FRAS1: variants seen among roughly 807,000 people sequenced by gnomAD.
FRAS1 encodes the protein Fraser extracellular matrix complex subunit 1.
Under a neutral mutation model 435.2 loss-of-function variants are expected in FRAS1, and 290 were observed. The observed-to-expected ratio is 0.67, with a 90% CI of 0.61 to 0.73. The LOEUF is 0.73. FRAS1 is among the 30% of genes least tolerant of loss of function. The pLI, the probability that FRAS1 is intolerant of heterozygous loss-of-function variation, is 0.00. For synonymous variants in FRAS1, 1,800 were observed against 1,851.0 expected (o/e 0.97, Z 0.71); for missense variants, 4,860 against 5,001.5 (o/e 0.97, Z 0.85).
rs370511192 is a variant in FRAS1 at position 78,540,768 on chromosome 4, G to A, written c.11683G>A (p.Val3895Ile). The A allele has an allele frequency of 1.5e-4, 235 of 1,613,814 alleles. No individual in the cohort carries two copies. Among genetic ancestry groups the A allele is most frequent in the Middle Eastern group, 5.0e-4 (3 of 6,058 alleles). ...SLNLEMQELA[V>I]AASLSQTGAS... The stretch of plus-strand genomic sequence containing the variant: ...GAATCTGGAGATGCAAGAGTTGGCG[G>A]TAGCTGCGTCCCTGTCACAGACTGG... Residue 3895 changes from valine (V) to isoleucine (I), a missense_variant, in exon 74 of 74, where the codon GTA (valine) becomes ATA (isoleucine). Coordinates refer to ENST00000512123, the MANE Select transcript of FRAS1 (RefSeq NM_025074.7).
In FRAS1 at chr4:78,257,265, G is replaced by A. The variant is rs567621553; in HGVS notation, c.603+1890G>A. On this transcript the variant is annotated intron_variant, in intron 6 of 73. Coordinates refer to ENST00000512123, the MANE Select transcript of FRAS1 (RefSeq NM_025074.7). ...TGTGACTTATATTTTTAATCAGTATGCTACTACTCCCAGAATAATGAGTTA... is the reference window on the plus strand; with the variant it reads ...TGTGACTTATATTTTTAATCAGTATACTACTACTCCCAGAATAATGAGTTA... Among the ~76,000 whole-genome samples, 9 of 152,268 alleles carry A rather than the reference G, an allele frequency of 5.9e-5. No homozygotes were observed. In the East Asian group the frequency reaches 1.7e-3, roughly 29 times the overall value.
Position 78,508,753 on chromosome 4 carries a change from A to T in FRAS1, c.9527A>T (p.Asp3176Val). 1 of 1,613,772 alleles carries T rather than the reference A, an allele frequency of 6.2e-7. No homozygotes were observed. The highest frequency in any genetic ancestry group is 8.5e-7 in the Non-Finnish European group (1 of 1,179,826). The stretch of plus-strand genomic sequence containing the variant: ...CAGGTGGTCACACTTGCTGACTATG[A>T]CCATGTGGAAGAAGTTACCAAGGAA... ...PPIVVTLADYDHVEEVTKEGV... is the reference protein window; with the variant it reads ...PPIVVTLADYVHVEEVTKEGV... The change falls in exon 63 of 74, where the codon GAC becomes GTC. Residue 3176 changes from aspartate to valine, a missense_variant. Physicochemically the swap from Asp to Val is radical, Grantham distance 152. Coordinates refer to ENST00000512123, the MANE Select transcript of FRAS1 (RefSeq NM_025074.7).
In FRAS1 at chr4:78,303,479, C is replaced by T. The variant is rs1218034045; in HGVS notation, c.1535-4587C>T. Among the ~76,000 whole-genome samples the T allele has an allele frequency of 4.6e-5, 7 of 152,284 alleles. No individual in the cohort carries two copies. In the East Asian group the frequency reaches 1.3e-3, roughly 29 times the overall value. ...GGCTATTTTCACGATATTGATTCTT[C>T]CTACCCATGAGCATGGAATGTTCTT... On this transcript the variant is annotated intron_variant, in intron 14 of 73. Transcript: ENST00000512123.
At chr4:78,266,238 C>T (rs890250002) in intron 7 of FRAS1, among the ~76,000 whole-genome samples, 5 of 152,184 alleles carry the variant, frequency 3.3e-5, no homozygotes, top group African/African-American at 1.2e-4. Context: ...AACATGTTGG[C>T]ATTTGCCCTT....
chr4:78,183,608 A>C (rs1183542767), intron 2 of FRAS1, among the ~76,000 whole-genome samples: 1 of 152,142 alleles, frequency 6.6e-6, no homozygotes, highest in African/African-American at 2.4e-5. Context: ...TTGGTTTTAA[A>C]GTGTGTCTTC....
At chr4:78,180,558 C>T (rs1009424357) in intron 2 of FRAS1, among the ~76,000 whole-genome samples, 2 of 152,116 alleles carry the variant, frequency 1.3e-5, no homozygotes, top group African/African-American at 4.8e-5. Context: ...ACCTATATTT[C>T]AAGTTTGGAA....
At chr4:78,154,085 A>G (rs1720782274) in intron 2 of FRAS1, among the ~76,000 whole-genome samples, 1 of 151,778 alleles carries the variant, frequency 6.6e-6, no homozygotes, top group Non-Finnish European at 1.5e-5. Flanking sequence ...CTATCTTTAC[A>G]GCCACTTGTA....
chr4:78,251,796 A>C (rs1390522555), intron 4 of FRAS1, among the ~76,000 whole-genome samples: 1 of 152,220 alleles, frequency 6.6e-6, no homozygotes, highest in African/African-American at 2.4e-5. Flanking sequence ...GGATCTGTGA[A>C]TGTGCATGTG....
At chr4:78,536,464 T>C (rs959937101) in intron 71 of FRAS1, among the ~76,000 whole-genome samples, 3 of 152,160 alleles carry the variant, frequency 2.0e-5, no homozygotes, top group Non-Finnish European at 4.4e-5. Context: ...GCATAGTACC[T>C]TGACTTGGAA....
At chr4:78,259,995 T>G (rs953067332) in intron 6 of FRAS1, among the ~76,000 whole-genome samples, 1 of 152,150 alleles carries the variant, frequency 6.6e-6, no homozygotes, top group Non-Finnish European at 1.5e-5. Context: ...TTTTCTCAGG[T>G]TTGTCAAAGA....
intron 2 of FRAS1, among the ~76,000 whole-genome samples, chr4:78,147,353 A>C (rs1720460636): frequency 6.6e-6 from 1 of 152,168 alleles, no homozygotes; most frequent in African/African-American, 2.4e-5. Flanking sequence ...TAGGGAGGTC[A>C]TCTTCCCTAA....
chr4:78,259,300 T>C (rs1352534508), intron 6 of FRAS1, among the ~76,000 whole-genome samples: 14 of 115,806 alleles, frequency 1.2e-4, no homozygotes, highest in Middle Eastern at 3.7e-3. Context: ...CCACAATGGT[T>C]GAAGTAGTTT....
chr4:78,061,231 A>G (rs896743181), intron 1 of FRAS1, among the ~76,000 whole-genome samples: 2 of 152,188 alleles, frequency 1.3e-5, no homozygotes, highest in African/African-American at 4.8e-5. Context: ...ATGGCCTTAT[A>G]TTGCTAAACT....
In FRAS1 at chr4:78,482,668, G is replaced by A. The variant is rs1054961125; in HGVS notation, c.8752+133G>A. ...TGTGTGTGTAGATGTGTATACGTGA[G>A]CATTTGCACTTTTACATAGCAGAGT... On this transcript the variant is annotated intron_variant, in intron 58 of 73. Coordinates refer to ENST00000512123, the MANE Select transcript of FRAS1 (RefSeq NM_025074.7). The A allele has an allele frequency of 2.6e-5, 24 of 921,738 alleles. No individual in the cohort carries two copies. In the African/African-American group the frequency reaches 3.4e-4, roughly 13 times the overall value. 57.1% of individuals were successfully genotyped at this position (921,738 alleles called of 1,614,324 possible).
At chr4:78,513,037 G>C (rs193021286) in intron 64 of FRAS1, among the ~76,000 whole-genome samples, 1 of 152,192 alleles carries the variant, frequency 6.6e-6, no homozygotes, top group Non-Finnish European at 1.5e-5. Context: ...AGGGGAACAG[G>C]CCCTCTCTAG....
chr4:78,213,798 G>A (rs1198874204), intron 2 of FRAS1, among the ~76,000 whole-genome samples: 3 of 152,158 alleles, frequency 2.0e-5, no homozygotes, highest in African/African-American at 4.8e-5. Flanking sequence ...TCTTGGGCAG[G>A]AAACCATTTC....
At chr4:78,292,714 C>A (rs1727951275) in intron 14 of FRAS1, among the ~76,000 whole-genome samples, 1 of 152,156 alleles carries the variant, frequency 6.6e-6, no homozygotes, top group African/African-American at 2.4e-5. Context: ...CAGGGGCCCC[C>A]CTTTCTCTGT....
Position 78,519,336 on chromosome 4 carries a change from G to C in FRAS1, c.10395G>C (p.Arg3465Ser), listed in dbSNP as rs372814852. 76 of 1,535,246 alleles carry C rather than the reference G, an allele frequency of 5.0e-5. No homozygotes were observed. The highest frequency in any genetic ancestry group is 6.2e-5 in the Non-Finnish European group (71 of 1,145,808). ...GGSVTADFQV[R>S]DSAQSFLTVH... ...GCATACTGCTTCCTCGGCAGGTGAGGGACTCTGCCCAGTCCTTCTTGACAG... is the reference window on the plus strand; with the variant it reads ...GCATACTGCTTCCTCGGCAGGTGAGCGACTCTGCCCAGTCCTTCTTGACAG... The change falls in exon 67 of 74, where the codon AGG becomes AGC. Residue 3465 changes from arginine to serine, a missense_variant. Physicochemically the swap from Arg to Ser is moderately radical, Grantham distance 110. Transcript: ENST00000512123.
At chr4:78,401,729 A>T (rs1242548512) in intron 30 of FRAS1, among the ~76,000 whole-genome samples, 9 of 151,850 alleles carry the variant, frequency 5.9e-5, no homozygotes, top group Admixed American at 5.3e-4. Flanking sequence ...GAGTAGAAAA[A>T]AAAAAAAAGC....
Sources: allele counts gnomAD v4.1 joint callset (sites outside exome capture counted in the v4.1 genomes callset), GRCh38; gene constraint gnomAD v4.1.1; transcripts MANE v1.5; gene names NCBI Gene and HGNC (gene_info 2026-07-23, HGNC 2026-07-21).